The following AUTS2 variants were observed in gnomAD, a reference collection of about 807,000 sequenced individuals.
AUTS2 encodes the protein activator of transcription and developmental regulator AUTS2.
AUTS2 carries 17 observed loss-of-function variants against 112.4 expected under a neutral mutation model. That is an observed-to-expected ratio of 0.15 (90% confidence interval 0.10 to 0.23). The LOEUF (loss-of-function observed/expected upper bound fraction) is 0.23, where lower values mean the gene tolerates loss of function less well. AUTS2 is among the 10% of genes least tolerant of loss of function. AUTS2 has a pLI of 1.00. For missense variants in AUTS2, 1,510 were observed against 1,701.6 expected, an observed-to-expected ratio of 0.89 and a Z score of 1.98; for synonymous variants, 751 against 702.7, an observed-to-expected ratio of 1.07 and a Z score of -1.09.
At chr7:69,865,392 CTG>C (rs2129533759) in intron 1 of AUTS2, among the ~76,000 whole-genome samples, 1 of 152,094 alleles carries the variant, frequency 6.6e-6, no homozygotes, top group East Asian at 1.9e-4. Flanking sequence ...TTGGTAGTCT[CTG>C]TGCTGTCCAG....
chr7:70,713,273 G>A (rs987097373), intron 6 of AUTS2, among the ~76,000 whole-genome samples: 2 of 152,216 alleles, frequency 1.3e-5, no homozygotes, highest in Non-Finnish European at 2.9e-5. Context: ...CAAATGTGCC[G>A]TGATTACCAC....
At chr7:70,446,567 A>G (rs2130998127) in intron 5 of AUTS2, among the ~76,000 whole-genome samples, 1 of 152,356 alleles carries the variant, frequency 6.6e-6, no homozygotes, top group East Asian at 1.9e-4. Flanking sequence ...ATTTTCCGCT[A>G]ATGGTAGTCG....
Position 70,662,042 on chromosome 7 carries a change from A to G in AUTS2, c.691-36527A>G, listed in dbSNP as rs1353559195. On this transcript the variant is annotated intron_variant, in intron 5 of 18. Coordinates refer to ENST00000342771, the MANE Select transcript of AUTS2 (RefSeq NM_015570.4). Reference sequence around the variant, plus strand: ...ACCAGATTGAAAGGGTGAGCAGACAATGGGGGGGCAGACACCTGAAGCCAG... The same window carrying G: ...ACCAGATTGAAAGGGTGAGCAGACAGTGGGGGGGCAGACACCTGAAGCCAG... Among the ~76,000 whole-genome samples the G allele has an allele frequency of 7.2e-5, 11 of 152,168 alleles. No homozygotes were observed. In the South Asian group the frequency reaches 1.5e-3, roughly 20 times the overall value.
rs776136455 is a variant in AUTS2, at chr7:70,628,912, G to T, written c.691-69657G>T. ...TCCCTTGGCCTGATGGAACAGGGAG[G>T]GGGTGGCAGACATTGGGGGGAAGTG... On this transcript the variant is annotated intron_variant, in intron 5 of 18. Transcript: ENST00000342771. Among the ~76,000 whole-genome samples, 3 of 152,122 alleles carry T rather than the reference G, an allele frequency of 2.0e-5. 1 individual carries two copies. Among genetic ancestry groups the T allele is most frequent in the Non-Finnish European group, 4.4e-5 (3 of 68,032 alleles).
chr7:70,595,624 C>T (rs1404836828), intron 5 of AUTS2, among the ~76,000 whole-genome samples: 2 of 152,146 alleles, frequency 1.3e-5, no homozygotes, highest in African/African-American at 2.4e-5. Context: ...CCAGGCCTAG[C>T]TTTTCCACCC....
At chr7:69,720,567 T>G (rs1390298280) in intron 1 of AUTS2, among the ~76,000 whole-genome samples, 1 of 152,200 alleles carries the variant, frequency 6.6e-6, no homozygotes, top group African/African-American at 2.4e-5. Context: ...CATGCCCAAT[T>G]TATCTTTTAA....
rs866569670 is a variant in AUTS2 at position 70,326,818 on chromosome 7, C to A, written c.661-108934C>A. ...TGAATCCTCAAGTCACATTGGCATGCTTGTTGAGGCTTTTAAACGATCTCA... is the reference window on the plus strand; with the variant it reads ...TGAATCCTCAAGTCACATTGGCATGATTGTTGAGGCTTTTAAACGATCTCA... On this transcript the variant is annotated intron_variant, in intron 4 of 18. Coordinates refer to ENST00000342771, the MANE Select transcript of AUTS2 (RefSeq NM_015570.4). Among the ~76,000 whole-genome samples, 3 of 151,724 alleles carry A rather than the reference C, an allele frequency of 2.0e-5. 1 individual carries two copies. The highest frequency in any genetic ancestry group is 6.9e-3 in the Middle Eastern group (2 of 290).
chr7:70,038,614 C>T (rs889117035), intron 2 of AUTS2, among the ~76,000 whole-genome samples: 6 of 152,032 alleles, frequency 3.9e-5, no homozygotes, highest in African/African-American at 1.5e-4. Context: ...ATCCTGCCAC[C>T]ATTTATCATA....
At chr7:70,427,040 G>A (rs17566551) in intron 4 of AUTS2, among the ~76,000 whole-genome samples, 3,627 of 152,004 alleles carry the variant, frequency 0.024, 64 homozygotes, top group Middle Eastern at 0.082. Flanking sequence ...ATATGGGAAG[G>A]GAAAATCGCC....
intron 2 of AUTS2, among the ~76,000 whole-genome samples, chr7:70,086,231 G>T (rs1306155764): frequency 6.6e-6 from 1 of 152,116 alleles, no homozygotes; most frequent in Non-Finnish European, 1.5e-5. Context: ...TATTCATATT[G>T]TATTGAATCT....
intron 6 of AUTS2, among the ~76,000 whole-genome samples, chr7:70,755,810 A>G (rs1303338812): frequency 2.0e-5 from 3 of 152,064 alleles, no homozygotes; most frequent in African/African-American, 7.2e-5. Context: ...TACTTTAACA[A>G]TAATAATACT....
intron 6 of AUTS2, among the ~76,000 whole-genome samples, chr7:70,718,667 A>G (rs1810506427): frequency 6.6e-6 from 1 of 152,096 alleles, no homozygotes; most frequent in African/African-American, 2.4e-5. Flanking sequence ...CGTCTCAAAA[A>G]CAAACAAACA....
chr7:70,053,323 C>T (rs977885597), intron 2 of AUTS2, among the ~76,000 whole-genome samples: 1 of 152,050 alleles, frequency 6.6e-6, no homozygotes, highest in African/African-American at 2.4e-5. Flanking sequence ...CCATACTAGA[C>T]CCTTCTATTA....
At chr7:70,708,526 TA>T (rs1203052781) in intron 6 of AUTS2, among the ~76,000 whole-genome samples, 1 of 151,632 alleles carries the variant, frequency 6.6e-6, no homozygotes, top group Non-Finnish European at 1.5e-5. Flanking sequence ...ACCAGAAGAG[TA>T]AAAGAGTTTA....
At chr7:69,778,270 G>A (rs1438448820) in intron 1 of AUTS2, among the ~76,000 whole-genome samples, 7 of 141,050 alleles carry the variant, frequency 5.0e-5, no homozygotes, top group African/African-American at 1.6e-4. Context: ...TTACTCATTT[G>A]GTCTGTGTCA....
chr7:70,712,286 G>C (rs777505425), intron 6 of AUTS2, among the ~76,000 whole-genome samples: 3 of 124,488 alleles, frequency 2.4e-5, no homozygotes, highest in Non-Finnish European at 4.7e-5. Flanking sequence ...AGCTCAAAAT[G>C]AACCGCCCAC....
At chr7:70,370,839 T>C (rs1182458969) in intron 4 of AUTS2, among the ~76,000 whole-genome samples, 2 of 151,980 alleles carry the variant, frequency 1.3e-5, no homozygotes, top group Non-Finnish European at 2.9e-5. Context: ...ACACTTGTTG[T>C]CTTTTTTTTT....
At chr7:69,658,897 G>T (rs1263801692) in intron 1 of AUTS2, among the ~76,000 whole-genome samples, 2 of 152,230 alleles carry the variant, frequency 1.3e-5, no homozygotes, top group African/African-American at 4.8e-5. Context: ...GAACCACTAT[G>T]AAATTGTTTA....
chr7:70,265,217 G>A lies in AUTS2; in HGVS notation c.660+130646G>A, dbSNP rs1373483287. 5.3e-5 allele frequency among the ~76,000 whole-genome samples: 8 copies of A among 152,194 alleles called. 1 individual carries two copies. In the South Asian group the frequency reaches 1.4e-3, roughly 28 times the overall value. The stretch of plus-strand genomic sequence containing the variant: ...TTCTTATAGGTGAAGCAATGACTTA[G>A]AAGAATGGGGAGACTGGAGTACATG... On this transcript the variant is annotated intron_variant, in intron 4 of 18. Coordinates refer to ENST00000342771, the MANE Select transcript of AUTS2 (RefSeq NM_015570.4).
Sources: allele counts gnomAD v4.1 joint callset (sites outside exome capture counted in the v4.1 genomes callset), GRCh38; gene constraint gnomAD v4.1.1; transcripts MANE v1.5; gene names NCBI Gene and HGNC (gene_info 2026-07-23, HGNC 2026-07-21).